EXT1: variants seen among roughly 807,000 people sequenced by gnomAD.
EXT1 encodes exostosin-1.
A neutral mutation model predicts 82.5 loss-of-function variants in EXT1; 20 were observed. That is an observed-to-expected ratio of 0.24 (90% CI 0.17 to 0.35). The LOEUF (loss-of-function observed/expected upper bound fraction) is 0.35. EXT1 is among the 10% of genes least tolerant of loss of function. EXT1 has a pLI of 1.00. For synonymous variants in EXT1, 348 were observed against 350.8 expected (o/e 0.99, Z 0.09); for missense variants, 757 against 936.5 (o/e 0.81, Z 2.50).
At chr8:117,881,322 T>G (rs143433408) in intron 1 of EXT1, among the ~76,000 whole-genome samples, 1 of 152,288 alleles carries the variant, frequency 6.6e-6, no homozygotes, top group East Asian at 1.9e-4. Context: ...AAAAGAATAT[T>G]TGGGACTAGG....
chr8:117,891,389 A>G (rs931145761), intron 1 of EXT1, among the ~76,000 whole-genome samples: 17 of 152,320 alleles, frequency 1.1e-4, no homozygotes, highest in South Asian at 4.1e-4. Context: ...CAAGACTATG[A>G]GAATGGCAAA....
rs1491146564 is a variant in EXT1, at chr8:117,980,697, G to GTTTTTTTTTTTTTTTTTT, written c.962+129387_962+129388insAAAAAAAAAAAAAAAAAA. On this transcript the variant is annotated intron_variant, in intron 1 of 10. Coordinates refer to ENST00000378204, the MANE Select transcript of EXT1 (RefSeq NM_000127.3). ...AAGGTTTGTTTGTTCGGGTGTTGGT[G>GTTTTTTTTTTTTTTTTTT]GTTTTTTTTTTTTTTTTTTTTTTTT... Among the ~76,000 whole-genome samples, 2 of 27,584 alleles carry GTTTTTTTTTTTTTTTTTT rather than the reference G, an allele frequency of 7.3e-5. 1 individual carries two copies. The allele number at this position is 27,584 out of a possible 152,430, so 18.1% of individuals were successfully genotyped here.
At chr8:117,906,349 C>T (rs1232157994) in intron 1 of EXT1, among the ~76,000 whole-genome samples, 1 of 152,064 alleles carries the variant, frequency 6.6e-6, no homozygotes, top group African/African-American at 2.4e-5. Flanking sequence ...ATATACAAAC[C>T]AGGAATAGCA....
chr8:118,041,665 A>AGAAG (rs57360744), intron 1 of EXT1, among the ~76,000 whole-genome samples: 22,846 of 124,952 alleles, frequency 0.18, 2,360 homozygotes, highest in East Asian at 0.28. Context: ...AGAGAGAGAA[A>AGAAG]GAAGGAAGGA....
intron 1 of EXT1, among the ~76,000 whole-genome samples, chr8:117,923,496 T>C (rs1813895274): frequency 6.7e-6 from 1 of 149,874 alleles, no homozygotes; most frequent in African/African-American, 2.5e-5. Flanking sequence ...GGCGGGCAGA[T>C]CACGAGGTCA....
At chr8:117,825,919 T>C (rs1293138908) in intron 4 of EXT1, among the ~76,000 whole-genome samples, 1 of 152,252 alleles carries the variant, frequency 6.6e-6, no homozygotes, top group Non-Finnish European at 1.5e-5. Flanking sequence ...CATATTATCA[T>C]AATCTCAGGC....
intron 3 of EXT1, among the ~76,000 whole-genome samples, chr8:117,834,540 G>A (rs1228478657): frequency 6.6e-6 from 1 of 152,152 alleles, no homozygotes; most frequent in African/African-American, 2.4e-5. Flanking sequence ...GGGAGGCAGA[G>A]GTTGCAGTGA....
chr8:117,970,601 G>A (rs1192229096), intron 1 of EXT1, among the ~76,000 whole-genome samples: 5 of 152,086 alleles, frequency 3.3e-5, no homozygotes, highest in Admixed American at 2.6e-4. Flanking sequence ...CACCATGCCC[G>A]GCCAGGAATC....
At chr8:118,067,863 C>T (rs904842935) in intron 1 of EXT1, among the ~76,000 whole-genome samples, 1 of 152,290 alleles carries the variant, frequency 6.6e-6, no homozygotes, top group South Asian at 2.1e-4. Context: ...GCTGGATCAA[C>T]AGAGTGATGG....
At chr8:118,108,524 A>G (rs1817837178) in intron 1 of EXT1, among the ~76,000 whole-genome samples, 1 of 152,244 alleles carries the variant, frequency 6.6e-6, no homozygotes, top group Admixed American at 6.5e-5. Context: ...TTTATGAGAA[A>G]ACTGTAATCC....
rs571552216 is a variant in EXT1, at chr8:117,950,920, T to C, written c.963-113719A>G. Among the ~76,000 whole-genome samples the C allele has an allele frequency of 4.6e-5, 7 of 152,272 alleles. No homozygotes were observed. In the East Asian group the frequency reaches 1.3e-3, roughly 29 times the overall value. On this transcript the variant is annotated intron_variant, in intron 1 of 10. Coordinates refer to ENST00000378204, the MANE Select transcript of EXT1 (RefSeq NM_000127.3). ...CATGAAGAAACAAAAATTTTTTTTT[T>C]AAAAGTTGTAAGTTTCTATACTTAT...
chr8:117,863,627 A>G (rs1019139289), intron 1 of EXT1, among the ~76,000 whole-genome samples: 3 of 152,046 alleles, frequency 2.0e-5, no homozygotes, highest in Non-Finnish European at 2.9e-5. Context: ...TGGGTTCTGT[A>G]CATGGACTCC....
intron 1 of EXT1, among the ~76,000 whole-genome samples, chr8:117,963,194 C>T (rs1041371420): frequency 2.0e-5 from 3 of 152,110 alleles, no homozygotes; most frequent in Non-Finnish European, 4.4e-5. Context: ...GTCGTTAGGG[C>T]AGGTGTTAAG....
intron 1 of EXT1, among the ~76,000 whole-genome samples, chr8:118,012,345 G>A (rs1318832449): frequency 2.0e-5 from 3 of 152,208 alleles, no homozygotes; most frequent in East Asian, 3.8e-4. Flanking sequence ...AAGCCACTGC[G>A]GCTTCCTAGT....
chr8:118,001,908 A>G (rs1422359984), intron 1 of EXT1, among the ~76,000 whole-genome samples: 1 of 152,242 alleles, frequency 6.6e-6, no homozygotes, highest in Non-Finnish European at 1.5e-5. Flanking sequence ...CAATTTCATA[A>G]GAAAAGATTT....
intron 1 of EXT1, among the ~76,000 whole-genome samples, chr8:118,006,633 C>T (rs1425016089): frequency 2.0e-5 from 3 of 152,286 alleles, no homozygotes. Flanking sequence ...TCACATTATC[C>T]TAACCCACTT....
At chr8:117,984,048 G>T (rs900888047) in intron 1 of EXT1, among the ~76,000 whole-genome samples, 1 of 152,234 alleles carries the variant, frequency 6.6e-6, no homozygotes, top group African/African-American at 2.4e-5. Flanking sequence ...TAACAAGACA[G>T]AGAACTATCC....
chr8:117,823,250 T>C (rs1230788155), intron 4 of EXT1, among the ~76,000 whole-genome samples: 2 of 152,174 alleles, frequency 1.3e-5, no homozygotes, highest in African/African-American at 4.8e-5. Context: ...CCATGGCATA[T>C]GAAGACTAAT....
intron 1 of EXT1, among the ~76,000 whole-genome samples, chr8:117,891,524 G>A (rs1023450625): frequency 2.5e-3 from 38 of 15,306 alleles, no homozygotes; most frequent in Non-Finnish European, 5.1e-3. Context: ...GAATGCCCTT[G>A]AGTGAAAAAA....
Sources: allele counts gnomAD v4.1 joint callset (sites outside exome capture counted in the v4.1 genomes callset), GRCh38; gene constraint gnomAD v4.1.1; transcripts MANE v1.5; gene names NCBI Gene and HGNC (gene_info 2026-07-23, HGNC 2026-07-21).